The following ZC3H11A variants were observed in gnomAD, a reference collection of about 807,000 sequenced individuals.
ZC3H11A encodes zinc finger CCCH-type containing 11A.
A neutral mutation model predicts 90.8 loss-of-function variants in ZC3H11A; 22 were observed. The observed-to-expected ratio is 0.24, with a 90% CI of 0.17 to 0.35. The LOEUF is 0.35. Ranked by LOEUF, ZC3H11A falls within the 10% of genes least tolerant of loss-of-function variation. The probability of loss-of-function intolerance (pLI) is 1.00; values close to 1 mark genes in which losing one functional copy is unlikely to be tolerated. For synonymous variants in ZC3H11A, 294 were observed against 339.8 expected (o/e 0.87, Z 1.48); for missense variants, 701 against 964.9 (o/e 0.73, Z 3.62).
intron 3 of ZC3H11A, among the ~76,000 whole-genome samples, chr1:203,817,584 C>T (rs905547412): frequency 6.6e-6 from 1 of 152,006 alleles, no homozygotes; most frequent in African/African-American, 2.4e-5. Flanking sequence ...AGTCATCATA[C>T]TAAATATGCT....
At chr1:203,830,968 C>CAA in intron 8 of ZC3H11A, among the ~76,000 whole-genome samples, 1 of 36,760 alleles carries the variant, frequency 2.7e-5, no homozygotes, top group African/African-American at 1.1e-4. Context: ...TTTTTTGAGA[C>CAA]AGAGTTTTGC....
At chr1:203,800,264 A>G (rs766339473) in intron 1 of ZC3H11A, 117 of 1,044,792 alleles carry the variant, frequency 1.1e-4, no homozygotes, top group Non-Finnish European at 1.2e-4. Flanking sequence ...GTAGTTGGCA[A>G]TCTGAATGTA....
Position 203,830,220 on chromosome 1 carries a change from T to C in ZC3H11A, c.700+17T>C, listed in dbSNP as rs1470493363. On this transcript the variant is annotated intron_variant, in intron 8 of 17. Coordinates refer to ENST00000367210, the MANE Select transcript of ZC3H11A (RefSeq NM_001376342.1). ...AGCAAGGTGGTAAGTCATCACGTTT[T>C]GGCATGGATAGTTGTATGTTGCTAG... 1 of 1,574,340 alleles carries C rather than the reference T, an allele frequency of 6.4e-7. No homozygotes were observed. The highest frequency in any genetic ancestry group is 2.2e-5 in the East Asian group (1 of 44,734).
intron 1 of ZC3H11A, chr1:203,797,563 C>CT (rs1230554608): frequency 1.3e-6 from 2 of 1,530,698 alleles, no homozygotes; most frequent in African/African-American, 1.4e-5. Context: ...TCTTCACTCT[C>CT]TCCTGGCAGA....
Position 203,851,111 on chromosome 1 carries a change from A to C in ZC3H11A, c.2161A>C (p.Asn721His), listed in dbSNP as rs140448559. 3 of 1,614,172 alleles carry C rather than the reference A, an allele frequency of 1.9e-6. No individual in the cohort carries two copies. Among genetic ancestry groups the C allele is most frequent in the Non-Finnish European group, 2.5e-6 (3 of 1,180,028 alleles). The stretch of plus-strand genomic sequence containing the variant: ...ATCAGTCACTGTGCCTGAAGCAGAA[A>C]ATCCTAGAGACAGGTAATACTTTGT... The part of the protein sequence containing the change: ...DKSVTVPEAE[N>H]PRDSLVLPPT... The change falls in exon 17 of 18, where the codon AAT (asparagine) becomes CAT (histidine). Residue 721 changes from asparagine (N) to histidine (H), a missense_variant. Physicochemically the swap from Asn to His is moderately conservative, Grantham distance 68. Transcript: ENST00000367210.
chr1:203,839,647 A>G (rs1685470158), intron 11 of ZC3H11A, among the ~76,000 whole-genome samples: 1 of 152,184 alleles, frequency 6.6e-6, no homozygotes, highest in African/African-American at 2.4e-5. Context: ...ACCATGTTGA[A>G]GATTTTCATA....
intron 2 of ZC3H11A, among the ~76,000 whole-genome samples, chr1:203,815,389 T>C (rs1159624857): frequency 6.8e-6 from 1 of 146,672 alleles, no homozygotes; most frequent in East Asian, 2.0e-4. Context: ...CTTTTTTTTT[T>C]TTTTTTTTTT....
chr1:203,828,518 T>G, intron 5 of ZC3H11A, 96 bp downstream of exon 5: 1 of 1,401,910 alleles, frequency 7.1e-7, no homozygotes, highest in Non-Finnish European at 9.7e-7. Flanking sequence ...CTTTCAGTCT[T>G]GTGAAACAGC....
At chr1:203,830,287 G>A in intron 8 of ZC3H11A, 84 bp downstream of exon 8, 2 of 1,026,306 alleles carry the variant, frequency 1.9e-6, no homozygotes, top group Non-Finnish European at 2.9e-6. Context: ...CAGCCAAAAT[G>A]AGCAAATAGA....
intron 12 of ZC3H11A, among the ~76,000 whole-genome samples, chr1:203,841,093 A>G (rs989165909): frequency 4.1e-4 from 62 of 151,382 alleles, no homozygotes; most frequent in South Asian, 8.3e-4. Flanking sequence ...GAAAGATAAC[A>G]GAGAGCACAT....
chr1:203,819,520 C>T (rs926017801), intron 4 of ZC3H11A, among the ~76,000 whole-genome samples: 2 of 126,582 alleles, frequency 1.6e-5, no homozygotes, highest in East Asian at 4.6e-4. Context: ...CCGTGCCCAG[C>T]TGACTCCAAT....
intron 2 of ZC3H11A, among the ~76,000 whole-genome samples, chr1:203,814,385 G>A (rs532417348): frequency 1.3e-5 from 2 of 152,266 alleles, no homozygotes; most frequent in Admixed American, 6.5e-5. Context: ...TTAGCCATAT[G>A]TGGTGGTGCA....
chr1:203,829,087 G>T (rs1046999846), intron 5 of ZC3H11A, among the ~76,000 whole-genome samples: 11 of 152,160 alleles, frequency 7.2e-5, no homozygotes, highest in Non-Finnish European at 1.3e-4. Context: ...TTTCTGGTTT[G>T]GTTCAAGTAA....
At chr1:203,833,925 C>CT in intron 10 of ZC3H11A, 72 bp downstream of exon 10, 3 of 1,529,328 alleles carry the variant, frequency 2.0e-6, no homozygotes, top group Non-Finnish European at 1.8e-6. Context: ...TCTCCAAACT[C>CT]TTTTTATACA....
At chr1:203,848,853 T>C (rs1483965909) in intron 14 of ZC3H11A, among the ~76,000 whole-genome samples, 2 of 152,196 alleles carry the variant, frequency 1.3e-5, no homozygotes, top group African/African-American at 4.8e-5. Flanking sequence ...ACCCTAAAAA[T>C]ATACAGCTCA....
At chr1:203,839,834 C>T (rs1341305485) in intron 11 of ZC3H11A, among the ~76,000 whole-genome samples, 1 of 152,048 alleles carries the variant, frequency 6.6e-6, no homozygotes, top group African/African-American at 2.4e-5. Context: ...GACAGAGTCT[C>T]ACTCTGTCAC....
At chr1:203,851,472 G>C (rs1364587871) in intron 17 of ZC3H11A, among the ~76,000 whole-genome samples, 1 of 152,158 alleles carries the variant, frequency 6.6e-6, no homozygotes, top group Non-Finnish European at 1.5e-5. Flanking sequence ...TGGGATTACA[G>C]GTGCCTGCCA....
At position 203,802,388 on chromosome 1, in the gene ZC3H11A, G is replaced by A. The variant is rs1049800312; in HGVS notation, c.-774G>A. The stretch of plus-strand genomic sequence containing the variant: ...AGTCTTTTATAGTGCATTTTAAAAG[G>A]GGAAACTTATCCAAATGTTATATTT... On this transcript the variant is annotated 5_prime_UTR_variant, in exon 2 of 18. Transcript: ENST00000367210. The A allele has an allele frequency of 6.6e-6, 1 of 152,350 alleles. No individual in the cohort carries two copies. The highest frequency in any genetic ancestry group is 1.5e-5 in the Non-Finnish European group (1 of 67,972). The allele number at this position is 152,350 out of a possible 1,614,324, so 9.4% of individuals were successfully genotyped here. A position where few individuals can be genotyped will look rare whatever the true frequency, so the allele number is the denominator to read the frequency against.
intron 12 of ZC3H11A, among the ~76,000 whole-genome samples, chr1:203,840,976 G>A (rs1479439497): frequency 6.6e-6 from 1 of 152,004 alleles, no homozygotes; most frequent in Non-Finnish European, 1.5e-5. Context: ...ACAATAAAAA[G>A]GGTTTAGATA....
Sources: allele counts gnomAD v4.1 joint callset (sites outside exome capture counted in the v4.1 genomes callset), GRCh38; gene constraint gnomAD v4.1.1; transcripts MANE v1.5; gene names NCBI Gene and HGNC (gene_info 2026-07-23, HGNC 2026-07-21).